The following SLC1A6 variants were observed in gnomAD, a reference collection of about 807,000 sequenced individuals.
SLC1A6 encodes the protein solute carrier family 1 member 6.
A neutral mutation model predicts 42.1 loss-of-function variants in SLC1A6; 15 were observed. The observed-to-expected ratio is 0.36, with a 90% CI of 0.24 to 0.55. SLC1A6 has a LOEUF of 0.55. Among genes scored for constraint, SLC1A6 ranks in the 20% least tolerant of loss-of-function variants. The pLI is 0.88. For synonymous variants in SLC1A6, 317 were observed against 319.7 expected, an observed-to-expected ratio of 0.99 and a Z score of 0.09; for missense variants, 542 against 772.5, an observed-to-expected ratio of 0.70 and a Z score of 3.54.
intron 1 of SLC1A6, chr19:14,974,228 G>A (rs3827003): frequency 0.55 from 83,348 of 151,548 alleles, 23,159 homozygotes; most frequent in South Asian, 0.67. Context: ...GTGGTGGCAG[G>A]TGCCTGTAGT....
At chr19:14,968,616 A>C (rs2045601714) in intron 3 of SLC1A6, 109 bp from the exon 4 acceptor site, 1 of 944,996 alleles carries the variant, frequency 1.1e-6, no homozygotes, top group East Asian at 2.7e-5. Flanking sequence ...CGACCCACCA[A>C]GCATCCCTTT....
At chr19:14,970,062 G>A (rs910441345) in intron 3 of SLC1A6, among the ~76,000 whole-genome samples, 38 of 152,020 alleles carry the variant, frequency 2.5e-4, no homozygotes, top group African/African-American at 8.9e-4. Context: ...ATTAATAGTA[G>A]ATAACATTTC....
chr19:14,983,095 A>G (rs538391537), upstream of SLC1A6, among the ~76,000 whole-genome samples: 17 of 152,316 alleles, frequency 1.1e-4, no homozygotes, highest in African/African-American at 3.4e-4. Context: ...TTGTGACCCC[A>G]AAATTAATAC....
intron 1 of SLC1A6, chr19:14,978,359 G>A (rs1433280129): frequency 6.6e-6 from 1 of 152,254 alleles, no homozygotes. Flanking sequence ...AGAGGAGTGA[G>A]TGAGGGAAGA....
rs78563402 is a variant in SLC1A6 at position 14,989,080 on chromosome 19, G to A, written c.7-16163C>T. ...CTCACAAATGGGAGCTAAACGATGG[G>A]TACCCATGGTTTTACAGACACCGGC... On this transcript the variant is annotated intron_variant, in intron 1 of 8. Transcript: ENST00000430939. Among the ~76,000 whole-genome samples the A allele has an allele frequency of 8.7e-3, 1,324 of 152,182 alleles. 19 individuals are homozygous for A. The highest frequency in any genetic ancestry group is 0.03 in the African/African-American group (1,258 of 41,520).
intron 4 of SLC1A6, among the ~76,000 whole-genome samples, chr19:14,964,613 G>A (rs549370339): frequency 1.3e-5 from 2 of 152,112 alleles, no homozygotes; most frequent in South Asian, 2.1e-4. Context: ...TAAGCTACCC[G>A]GAGCCACAGA....
chr19:14,994,331 G>A (rs977287953), intron 1 of SLC1A6, among the ~76,000 whole-genome samples: 3 of 152,122 alleles, frequency 2.0e-5, no homozygotes, highest in African/African-American at 7.2e-5. Flanking sequence ...CTAGACTGCA[G>A]AGCACAAGGT....
At chr19:14,987,801 G>A (rs2045800286) in intron 1 of SLC1A6, among the ~76,000 whole-genome samples, 1 of 152,266 alleles carries the variant, frequency 6.6e-6, no homozygotes, top group Admixed American at 6.5e-5. Context: ...CATTTGCAAA[G>A]CAACTCAGGG....
intron 1 of SLC1A6, among the ~76,000 whole-genome samples, chr19:15,003,765 G>T (rs2045883532): frequency 6.6e-6 from 1 of 151,968 alleles, no homozygotes; most frequent in African/African-American, 2.4e-5. Flanking sequence ...CCCAAAAGCA[G>T]AATTCTGCTC....
intron 1 of SLC1A6, among the ~76,000 whole-genome samples, chr19:14,989,756 G>C (rs2045810081): frequency 3.8e-5 from 1 of 26,326 alleles, no homozygotes; most frequent in Non-Finnish European, 7.9e-5. Context: ...GGGTGGCGGG[G>C]GGTGGGGTGT....
intron 6 of SLC1A6, among the ~76,000 whole-genome samples, chr19:14,959,598 A>C (rs2045491336): frequency 6.6e-6 from 1 of 152,234 alleles, no homozygotes; most frequent in African/African-American, 2.4e-5. Flanking sequence ...GTTTGGGATG[A>C]TGTACAAAGT....
upstream of SLC1A6, among the ~76,000 whole-genome samples, chr19:14,983,440 C>A (rs966996426): frequency 6.6e-6 from 1 of 151,934 alleles, no homozygotes; most frequent in Non-Finnish European, 1.5e-5. Context: ...CCCAGCCGCG[C>A]TTTGGGAAGC....
intron 1 of SLC1A6, among the ~76,000 whole-genome samples, chr19:14,994,169 A>G (rs1413360767): frequency 6.6e-6 from 1 of 152,044 alleles, no homozygotes; most frequent in Non-Finnish European, 1.5e-5. Context: ...GTCCAGGTTC[A>G]TGGATCAAAC....
At chr19:14,992,498 T>C (rs1272219901) in intron 1 of SLC1A6, among the ~76,000 whole-genome samples, 1 of 151,946 alleles carries the variant, frequency 6.6e-6, no homozygotes, top group East Asian at 1.9e-4. Flanking sequence ...CCCAGCACTT[T>C]GGGAGGCCGA....
chr19:15,005,030 G>A (rs937559746), intron 1 of SLC1A6, among the ~76,000 whole-genome samples: 2 of 152,154 alleles, frequency 1.3e-5, no homozygotes, highest in African/African-American at 4.8e-5. Context: ...AGGCCAAGGC[G>A]GGAGGATTGT....
Position 14,956,501 on chromosome 19 carries a change from T to C in SLC1A6, c.1144A>G (p.Ile382Val). Residue 382 changes from isoleucine (I) to valine (V), a missense_variant, in exon 7 of 10, where the codon ATC becomes GTC. Physicochemically the swap from Ile to Val is conservative, Grantham distance 29. This residue lies in a region of SLC1A6 where 298 missense variants were observed against 419.4 expected (regional missense o/e 0.71). Transcript: ENST00000594383. ...CTGGAAGACGTGCCCATAGCGGTGA[T>C]GAGGGCTTGTAGCATGCCCCCAATG... The part of the protein sequence containing the change: ...PFIGGMLQAL[I>V]TAMGTSSSSA... 3.1e-6 allele frequency: 5 copies of C among 1,596,798 alleles called. No individual in the cohort carries two copies. The highest frequency in any genetic ancestry group is 3.4e-6 in the Non-Finnish European group (4 of 1,170,010).
upstream of SLC1A6, among the ~76,000 whole-genome samples, chr19:14,983,421 A>C (rs1275896622): frequency 3.3e-5 from 5 of 151,946 alleles, no homozygotes; most frequent in Non-Finnish European, 7.4e-5. Context: ...GGTGGCTCAC[A>C]CTTGCAATCC....
chr19:14,962,085 G>A lies in SLC1A6; in HGVS notation c.852C>T (p.Gly284=). 5.6e-6 allele frequency: 9 copies of A among 1,614,164 alleles called. No homozygotes were observed. The highest frequency in any genetic ancestry group is 5.9e-6 in the Non-Finnish European group (7 of 1,180,024). ...TGAGGACTCTGCCCTTGTGTTTCAT[G>A]CCACCAATGACCAGCCCAAAGGCCA... ...FSVAFGLVIG[G]MKHKGRVLRD... is the part of the protein sequence containing the mutation. The change falls in exon 6 of 10, where the codon GGC becomes GGT. Residue 284 remains glycine (G), a synonymous_variant. Transcript: ENST00000594383.
chr19:14,956,509 T>C lies in SLC1A6; in HGVS notation c.1136A>G (p.Gln379Arg). The change falls in exon 7 of 10, where the codon CAA (glutamine) becomes CGA (arginine). Residue 379 changes from glutamine (Q) to arginine (R), a missense_variant. Around this residue, in one of 6 missense-constraint regions of SLC1A6, gnomAD observed 298 missense variants for 419.4 expected, o/e 0.71. Transcript: ENST00000594383. ...CGTGCCCATAGCGGTGATGAGGGCT[T>C]GTAGCATGCCCCCAATGAAGGGGAA... ...NPFPFIGGML[Q>R]ALITAMGTSS... 2 of 1,604,416 alleles carry C rather than the reference T, an allele frequency of 1.2e-6. No homozygotes were observed. Among genetic ancestry groups the C allele is most frequent in the Non-Finnish European group, 1.7e-6 (2 of 1,174,688 alleles).
Sources: allele counts gnomAD v4.1 joint callset (sites outside exome capture counted in the v4.1 genomes callset), GRCh38; gene constraint gnomAD v4.1.1; regional missense constraint gnomAD v4.1.1; transcripts MANE v1.5; gene names NCBI Gene and HGNC (gene_info 2026-07-23, HGNC 2026-07-21).